NRXN1: variants seen among roughly 807,000 people sequenced by gnomAD.
NRXN1 encodes neurexin 1, also known as neurexin-1.
A neutral mutation model predicts 150.9 loss-of-function variants in NRXN1; 39 were observed. The observed-to-expected ratio is 0.26, with a 90% CI of 0.20 to 0.34. The LOEUF is 0.34. Ranked by LOEUF, NRXN1 falls within the 10% of genes least tolerant of loss-of-function variation. The probability of loss-of-function intolerance (pLI) is 1.00; values close to 1 mark genes in which losing one functional copy is unlikely to be tolerated. For synonymous variants in NRXN1, 924 were observed against 757.0 expected, an observed-to-expected ratio of 1.22 and a Z score of -3.62; for missense variants, 1,815 against 1,949.9, an observed-to-expected ratio of 0.93 and a Z score of 1.30.
chr2:50,155,542 T>G (rs1328341320), intron 18 of NRXN1, among the ~76,000 whole-genome samples: 3 of 151,538 alleles, frequency 2.0e-5, no homozygotes, highest in Non-Finnish European at 4.4e-5. Context: ...AGAGTACAAA[T>G]TGTTATATAA....
At chr2:50,963,230 G>C (rs1346971779) in intron 2 of NRXN1, among the ~76,000 whole-genome samples, 2 of 151,462 alleles carry the variant, frequency 1.3e-5, no homozygotes, top group Non-Finnish European at 3.0e-5. Flanking sequence ...TATTAAGATT[G>C]TTCTGATGTT....
rs142825841 is a variant in NRXN1 at position 50,701,361 on chromosome 2, C to A, written c.833-77746G>T. Among the ~76,000 whole-genome samples, 688 of 152,110 alleles carry A rather than the reference C, an allele frequency of 4.5e-3. 2 individuals are homozygous for A. The highest frequency in any genetic ancestry group is 8.7e-3 in the Non-Finnish European group (592 of 67,976). ...GCATATACAAACAGTATTATTATTA[C>A]TGTATTTTATCTCACACTTTTGGTA... On this transcript the variant is annotated intron_variant, in intron 5 of 22. Coordinates refer to ENST00000401669, the MANE Select transcript of NRXN1 (RefSeq NM_001330078.2).
At chr2:50,378,938 C>G (rs988981226) in intron 17 of NRXN1, among the ~76,000 whole-genome samples, 1 of 152,104 alleles carries the variant, frequency 6.6e-6, no homozygotes, top group Admixed American at 6.6e-5. Context: ...TTTGTGGAAT[C>G]ATTTGTTTAA....
At chr2:50,864,224 A>G (rs954271614) in intron 5 of NRXN1, among the ~76,000 whole-genome samples, 15 of 151,994 alleles carry the variant, frequency 9.9e-5, no homozygotes, top group African/African-American at 2.7e-4. Flanking sequence ...CAAAACATCA[A>G]CTAAGACCCA....
At chr2:50,291,635 T>C (rs1269814824) in intron 17 of NRXN1, among the ~76,000 whole-genome samples, 2 of 152,152 alleles carry the variant, frequency 1.3e-5, no homozygotes, top group African/African-American at 4.8e-5. Context: ...CCTGCCGAAT[T>C]TTCAGGAGAT....
At chr2:50,186,383 T>G (rs757734305) in intron 18 of NRXN1, among the ~76,000 whole-genome samples, 16 of 151,178 alleles carry the variant, frequency 1.1e-4, no homozygotes, top group Non-Finnish European at 2.2e-4. Context: ...ATGAACCTCT[T>G]AAAAAGTACT....
chr2:50,969,055 C>T (rs1694583088), intron 2 of NRXN1, among the ~76,000 whole-genome samples: 2 of 152,074 alleles, frequency 1.3e-5, no homozygotes, highest in Admixed American at 6.6e-5. Flanking sequence ...CAATTTAGTG[C>T]CCTTGTACTT....
intron 5 of NRXN1, among the ~76,000 whole-genome samples, chr2:50,872,691 T>C (rs1677969083): frequency 6.6e-6 from 1 of 151,888 alleles, no homozygotes; most frequent in Middle Eastern, 3.4e-3. Context: ...AGTGGCTCAC[T>C]CTTGTAATCC....
In NRXN1 at chr2:50,954,726, T is replaced by C. The variant is rs137901593; in HGVS notation, c.773-28771A>G. On this transcript the variant is annotated intron_variant, in intron 2 of 22. Coordinates refer to ENST00000401669, the MANE Select transcript of NRXN1 (RefSeq NM_001330078.2). ...CATGCAAAGCTTACTTCCAGTTCTT[T>C]ATAAACTGTGAATCAAGGCAGAGTT... Among the ~76,000 whole-genome samples the C allele has an allele frequency of 3.3e-3, 505 of 152,326 alleles. 3 individuals are homozygous for C. The highest frequency in any genetic ancestry group is 0.011 in the African/African-American group (466 of 41,568).
intron 2 of NRXN1, among the ~76,000 whole-genome samples, chr2:51,018,116 G>C (rs1215620918): frequency 1.3e-5 from 2 of 152,040 alleles, no homozygotes; most frequent in East Asian, 1.9e-4. Flanking sequence ...CCAAACAACA[G>C]TACCTCCTAA....
At chr2:50,413,772 G>C (rs909905269) in intron 17 of NRXN1, among the ~76,000 whole-genome samples, 3 of 152,028 alleles carry the variant, frequency 2.0e-5, no homozygotes, top group African/African-American at 7.2e-5. Context: ...TAAGATTTGG[G>C]AGCCACCTAA....
At chr2:50,111,529 C>T (rs1208786257) in intron 18 of NRXN1, among the ~76,000 whole-genome samples, 3 of 151,938 alleles carry the variant, frequency 2.0e-5, no homozygotes, top group African/African-American at 7.3e-5. Flanking sequence ...ATTCCAGCTA[C>T]TCTGGGGACT....
intron 17 of NRXN1, among the ~76,000 whole-genome samples, chr2:50,272,732 G>C (rs1187832971): frequency 6.6e-6 from 1 of 151,850 alleles, no homozygotes; most frequent in Non-Finnish European, 1.5e-5. Context: ...CTCCCCAAAA[G>C]GGAACTTAAA....
intron 5 of NRXN1, among the ~76,000 whole-genome samples, chr2:50,851,707 T>C (rs958726088): frequency 6.6e-6 from 1 of 151,472 alleles, no homozygotes. Context: ...GCAACACACA[T>C]GGAAATAAAA....
chr2:50,879,055 G>A (rs1233728809), intron 5 of NRXN1, among the ~76,000 whole-genome samples: 2 of 151,902 alleles, frequency 1.3e-5, no homozygotes, highest in Non-Finnish European at 2.9e-5. Flanking sequence ...CCCTGTAGAT[G>A]TAACTGGCAT....
At chr2:50,128,672 G>A (rs1704974932) in intron 18 of NRXN1, among the ~76,000 whole-genome samples, 1 of 151,946 alleles carries the variant, frequency 6.6e-6, no homozygotes, top group Non-Finnish European at 1.5e-5. Flanking sequence ...GTCTTAATAA[G>A]CAGGATGTTA....
intron 17 of NRXN1, among the ~76,000 whole-genome samples, chr2:50,359,571 A>C (rs76488365): frequency 6.6e-6 from 1 of 151,942 alleles, no homozygotes; most frequent in Non-Finnish European, 1.5e-5. Context: ...AAGAATGAAA[A>C]GGAACGAACA....
chr2:50,467,962 C>T (rs17040685), intron 16 of NRXN1, among the ~76,000 whole-genome samples: 2,986 of 151,484 alleles, frequency 0.02, 106 homozygotes, highest in African/African-American at 0.069. Context: ...TGATCCTTAT[C>T]CCATGGCATT....
At chr2:50,858,051 A>T (rs1421004643) in intron 5 of NRXN1, among the ~76,000 whole-genome samples, 3 of 151,810 alleles carry the variant, frequency 2.0e-5, no homozygotes, top group Non-Finnish European at 4.4e-5. Flanking sequence ...TAAGACCTAA[A>T]AGTAGCAGGG....
Sources: gnomAD v4.1 joint callset for allele counts (sites outside exome capture counted in the v4.1 genomes callset) on GRCh38, gnomAD v4.1.1 for gene constraint, MANE v1.5 for transcripts, NCBI Gene and HGNC (gene_info 2026-07-23, HGNC 2026-07-21) for gene names.